GRID1: variants seen among roughly 807,000 people sequenced by gnomAD.
The protein encoded by GRID1 is glutamate receptor ionotropic, delta-1.
A neutral mutation model predicts 98.0 loss-of-function variants in GRID1; 28 were observed. The ratio of observed to expected loss-of-function variants is 0.29; its 90% CI spans 0.21 to 0.39. The LOEUF (loss-of-function observed/expected upper bound fraction) is 0.39. GRID1 is among the 10% of genes least tolerant of loss of function. The pLI is 1.00. For synonymous variants in GRID1, 553 were observed against 538.5 expected (o/e 1.03, Z -0.37); for missense variants, 1,111 against 1,340.5 (o/e 0.83, Z 2.67).
chr10:85,862,140 C>T (rs538579367), intron 6 of GRID1, among the ~76,000 whole-genome samples: 70 of 152,302 alleles, frequency 4.6e-4, no homozygotes, highest in African/African-American at 1.6e-3. Context: ...AGCCTGTGCA[C>T]ATGCCAGTTT....
At chr10:85,788,122 TG>T (rs1842446669) in intron 8 of GRID1, among the ~76,000 whole-genome samples, 1 of 151,962 alleles carries the variant, frequency 6.6e-6, no homozygotes, top group Non-Finnish European at 1.5e-5. Flanking sequence ...GCAGAATGTC[TG>T]ACACACAGCA....
intron 4 of GRID1, among the ~76,000 whole-genome samples, chr10:86,066,542 G>A (rs570225055): frequency 2.0e-5 from 3 of 152,160 alleles, no homozygotes; most frequent in Non-Finnish European, 4.4e-5. Flanking sequence ...TCAAACCCAA[G>A]TTTGTATCCT....
chr10:85,780,809 G>A (rs371362203), intron 8 of GRID1, among the ~76,000 whole-genome samples: 1 of 152,184 alleles, frequency 6.6e-6, no homozygotes. Flanking sequence ...AAGTCACAGT[G>A]GTGTTCTGAG....
intron 3 of GRID1, among the ~76,000 whole-genome samples, chr10:86,181,767 G>A (rs1340613033): frequency 6.6e-6 from 1 of 152,128 alleles, no homozygotes; most frequent in Non-Finnish European, 1.5e-5. Flanking sequence ...GTTGTATCCA[G>A]GACATTACAT....
At chr10:85,742,904 T>C (rs1178318507) in intron 8 of GRID1, among the ~76,000 whole-genome samples, 1 of 152,146 alleles carries the variant, frequency 6.6e-6, no homozygotes, top group African/African-American at 2.4e-5. Context: ...CCTGACACTA[T>C]TGGCATTTGG....
At chr10:85,878,432 C>A (rs886201012) in intron 5 of GRID1, among the ~76,000 whole-genome samples, 4 of 152,338 alleles carry the variant, frequency 2.6e-5, no homozygotes, top group South Asian at 4.1e-4. Flanking sequence ...TCAGCAGAAA[C>A]TCTACAAGCC....
At chr10:86,301,224 T>C (rs1847681763) in intron 2 of GRID1, among the ~76,000 whole-genome samples, 1 of 152,198 alleles carries the variant, frequency 6.6e-6, no homozygotes, top group Non-Finnish European at 1.5e-5. Context: ...GTACCTCACC[T>C]TGGACCTGCT....
intron 4 of GRID1, among the ~76,000 whole-genome samples, chr10:86,057,867 G>A (rs1843596100): frequency 2.0e-5 from 3 of 152,198 alleles, no homozygotes; most frequent in African/African-American, 7.2e-5. Flanking sequence ...CAGGAGAGTA[G>A]GAGCCATGCC....
chr10:85,868,826 G>A (rs1843247688), intron 6 of GRID1, among the ~76,000 whole-genome samples, 184 bp downstream of exon 6: 1 of 152,160 alleles, frequency 6.6e-6, no homozygotes, highest in Non-Finnish European at 1.5e-5. Context: ...CTGACAACAG[G>A]CATAATTGCC....
rs946423623 is a variant in GRID1, at chr10:86,366,197, G to A, written c.79+117C>T. The A allele has an allele frequency of 1.7e-6, 1 of 572,894 alleles. No homozygotes were observed. The highest frequency in any genetic ancestry group is 2.7e-6 in the Non-Finnish European group (1 of 377,294). The allele number at this position is 572,894 out of a possible 1,614,324, so 35.5% of individuals were successfully genotyped here. On this transcript the variant is annotated intron_variant, in intron 1 of 15. Coordinates refer to ENST00000327946, the MANE Select transcript of GRID1 (RefSeq NM_017551.3). This position sits in a 1 kb window ranked among gnomAD's most constrained non-coding sequence, Gnocchi z 4.1. ...CCGGGCGGCGCGGCGCGGCCCTTCG[G>A]GGGAGCACCGCCCGCCGAGCCCCTC...
intron 4 of GRID1, among the ~76,000 whole-genome samples, chr10:85,955,960 T>C (rs185421865): frequency 6.6e-6 from 1 of 152,170 alleles, no homozygotes; most frequent in Non-Finnish European, 1.5e-5. Context: ...GATGTGACAT[T>C]CACAGTAATT....
chr10:86,027,217 A>G (rs1843127507), intron 4 of GRID1, among the ~76,000 whole-genome samples: 1 of 152,218 alleles, frequency 6.6e-6, no homozygotes, highest in Non-Finnish European at 1.5e-5. Context: ...ATCACCCCCA[A>G]AGGACAATCT....
At chr10:85,918,843 G>A (rs932350184) in intron 4 of GRID1, among the ~76,000 whole-genome samples, 1 of 152,188 alleles carries the variant, frequency 6.6e-6, no homozygotes, top group Non-Finnish European at 1.5e-5. Context: ...ACAGTGCCGT[G>A]TTTTCTAAGA....
intron 2 of GRID1, among the ~76,000 whole-genome samples, chr10:86,236,039 C>T (rs748759203): frequency 1.3e-5 from 2 of 152,208 alleles, no homozygotes; most frequent in Non-Finnish European, 2.9e-5. Flanking sequence ...CCAGTTGCTC[C>T]ACATTCTCAA....
rs1190116889 is a variant in GRID1 at position 86,365,128 on chromosome 10, A to G, written c.80-1032T>C. The stretch of plus-strand genomic sequence containing the variant: ...CACTACACCCGGAGCCGGCGCCGCA[A>G]TGCTGACCGCGAGACCCGCACCCCT... On this transcript the variant is annotated intron_variant, in intron 1 of 15. Coordinates refer to ENST00000327946, the MANE Select transcript of GRID1 (RefSeq NM_017551.3). The surrounding 1 kb of genome is among the most constrained non-coding windows in gnomAD (Gnocchi z 4.8). 6.6e-6 allele frequency among the ~76,000 whole-genome samples: 1 copy of G among 151,782 alleles called. No homozygotes were observed. The highest frequency in any genetic ancestry group is 2.4e-5 in the African/African-American group (1 of 41,288).
At chr10:86,301,800 C>G (rs540431242) in intron 2 of GRID1, among the ~76,000 whole-genome samples, 54 of 152,356 alleles carry the variant, frequency 3.5e-4, no homozygotes, top group Non-Finnish European at 5.6e-4. Context: ...GTTTCTTTAC[C>G]CTTCTTAAGG....
intron 2 of GRID1, among the ~76,000 whole-genome samples, chr10:86,362,774 G>A (rs965874939): frequency 1.3e-5 from 2 of 152,216 alleles, no homozygotes; most frequent in Non-Finnish European, 2.9e-5. Flanking sequence ...AGGCACCGGG[G>A]AGACTAGCAA....
At chr10:85,765,666 T>C (rs1020710985) in intron 8 of GRID1, among the ~76,000 whole-genome samples, 1 of 152,192 alleles carries the variant, frequency 6.6e-6, no homozygotes, top group Admixed American at 6.5e-5. Flanking sequence ...TTAGGTCCCA[T>C]CCCCAAGATA....
At chr10:86,255,424 G>A (rs1004207289) in intron 2 of GRID1, among the ~76,000 whole-genome samples, 2 of 152,098 alleles carry the variant, frequency 1.3e-5, no homozygotes, top group African/African-American at 2.4e-5. Context: ...AGCGCACTAA[G>A]GCCAAGGTCA....
Sources: gnomAD v4.1 joint callset for allele counts (sites outside exome capture counted in the v4.1 genomes callset) on GRCh38, gnomAD v4.1.1 for gene constraint, Gnocchi (gnomAD v3.1) non-coding constraint, MANE v1.5 for transcripts, NCBI Gene and HGNC (gene_info 2026-07-23, HGNC 2026-07-21) for gene names.